Variants in AMOTL1 observed in about 807,000 individuals in gnomAD.
AMOTL1 encodes the protein angiomotin-like protein 1.
Under a neutral mutation model 102.9 loss-of-function variants are expected in AMOTL1, and 45 were observed. The observed-to-expected ratio is 0.44, with a 90% CI of 0.34 to 0.56. The LOEUF (loss-of-function observed/expected upper bound fraction) is 0.56. AMOTL1 is among the 20% of genes least tolerant of loss of function. The probability of loss-of-function intolerance (pLI) is 0.01; values close to 1 mark genes in which losing one functional copy is unlikely to be tolerated. For synonymous variants in AMOTL1, 481 were observed against 484.7 expected, an observed-to-expected ratio of 0.99 and a Z score of 0.10; for missense variants, 1,114 against 1,225.6, an observed-to-expected ratio of 0.91 and a Z score of 1.36.
In AMOTL1 at chr11:94,836,285, C is replaced by T. The variant is rs117114637; in HGVS notation, c.1648+4744C>T. 3.1e-3 allele frequency among the ~76,000 whole-genome samples: 466 copies of T among 152,312 alleles called. 7 individuals are homozygous for T. The East Asian group carries it at 0.049, about 16-fold the overall frequency. On this transcript the variant is annotated intron_variant, in intron 6 of 12. Transcript: ENST00000433060. ...GGAAGGAAGGCTAGATGTTGTCACACGTGAACACACTGATTTACCTCCTCT... is the reference window on the plus strand; with the variant it reads ...GGAAGGAAGGCTAGATGTTGTCACATGTGAACACACTGATTTACCTCCTCT...
chr11:94,797,141 A>C (rs1376922862), intron 2 of AMOTL1: 1 of 434,614 alleles, frequency 2.3e-6, no homozygotes, highest in African/African-American at 2.2e-5. Flanking sequence ...CCGTATGTAC[A>C]CATGAAACAT....
intron 2 of AMOTL1, among the ~76,000 whole-genome samples, chr11:94,731,335 G>T (rs1950347464): frequency 6.6e-6 from 1 of 152,158 alleles, no homozygotes; most frequent in African/African-American, 2.4e-5. Context: ...CTGTCAGTGG[G>T]TGAAGCACAG....
rs751805497 is a variant in AMOTL1, at chr11:94,768,500, C to A, written c.-12C>A. ...TCCCCAGCCGAGGGACTGAACTAGC[C>A]ATGATCGCCTCATGTGGAGGGCAAA... On this transcript the variant is annotated 5_prime_UTR_variant, in exon 1 of 13. Coordinates refer to ENST00000433060, the MANE Select transcript of AMOTL1 (RefSeq NM_130847.3). 6.3e-7 allele frequency: 1 copy of A among 1,597,040 alleles called. No homozygotes were observed. Among genetic ancestry groups the A allele is most frequent in the South Asian group, 1.1e-5 (1 of 87,728 alleles).
intron 1 of AMOTL1, among the ~76,000 whole-genome samples, chr11:94,769,320 G>T (rs1231934138): frequency 1.3e-5 from 2 of 152,220 alleles, no homozygotes; most frequent in African/African-American, 2.4e-5. Flanking sequence ...GATGACAGCC[G>T]AGCGGAACGG....
At chr11:94,765,766 ACTT>A (rs1950848122), upstream of AMOTL1, among the ~76,000 whole-genome samples, 1 of 152,070 alleles carries the variant, frequency 6.6e-6, no homozygotes, top group African/African-American at 2.4e-5. Flanking sequence ...CAGCTCTTCT[ACTT>A]CTCCAGATTC....
rs570406908 is a variant in AMOTL1 at position 94,786,460 on chromosome 11, T to G, written c.50-8551T>G. On this transcript the variant is annotated intron_variant, in intron 1 of 12. Coordinates refer to ENST00000433060, the MANE Select transcript of AMOTL1 (RefSeq NM_130847.3). ...AGCAAGGGCCGCATTTAGGGCACAG[T>G]CCTGTGGGCTCAGGACCTGCCTGTG... 5.1e-3 allele frequency among the ~76,000 whole-genome samples: 772 copies of G among 152,330 alleles called. 4 individuals carry two copies. The highest frequency in any genetic ancestry group is 8.0e-3 in the Non-Finnish European group (541 of 68,020).
intron 10 of AMOTL1, among the ~76,000 whole-genome samples, chr11:94,865,443 C>T (rs537604132): frequency 6.6e-6 from 1 of 152,262 alleles, no homozygotes; most frequent in South Asian, 2.1e-4. Context: ...TAGATAGGCT[C>T]AGTGAGTTAC....
intron 4 of AMOTL1, among the ~76,000 whole-genome samples, chr11:94,824,336 G>A (rs1383365888): frequency 6.6e-6 from 1 of 152,164 alleles, no homozygotes; most frequent in African/African-American, 2.4e-5. Flanking sequence ...ATGAAATGAT[G>A]TTATTTGGGG....
intron 3 of AMOTL1, among the ~76,000 whole-genome samples, chr11:94,745,222 T>C (rs1273406168): frequency 7.2e-6 from 1 of 138,022 alleles, no homozygotes; most frequent in Non-Finnish European, 1.5e-5. Context: ...CATTATGACA[T>C]TATGACATAA....
At chr11:94,791,521 G>A (rs1300989911) in intron 1 of AMOTL1, among the ~76,000 whole-genome samples, 1 of 152,236 alleles carries the variant, frequency 6.6e-6, no homozygotes, top group East Asian at 1.9e-4. Context: ...AAGTCCAGAA[G>A]TGCTTGTATG....
chr11:94,811,721 T>C (rs773100568), intron 3 of AMOTL1, among the ~76,000 whole-genome samples: 56 of 152,276 alleles, frequency 3.7e-4, no homozygotes, highest in African/African-American at 6.3e-4. Context: ...AAAACAGTTA[T>C]GCAAAACAAA....
intron 1 of AMOTL1, among the ~76,000 whole-genome samples, chr11:94,782,546 C>G (rs1219517325): frequency 2.6e-5 from 4 of 152,142 alleles, no homozygotes; most frequent in Non-Finnish European, 5.9e-5. Flanking sequence ...CAACTCCCTT[C>G]AAAGTGAAAG....
chr11:94,731,985 A>C (rs868801398), intron 2 of AMOTL1, among the ~76,000 whole-genome samples: 1 of 152,192 alleles, frequency 6.6e-6, no homozygotes. Context: ...ATCCAAGCTC[A>C]CAGCAGGGCT....
chr11:94,734,063 T>A (rs1248651932), intron 2 of AMOTL1, among the ~76,000 whole-genome samples: 2 of 152,360 alleles, frequency 1.3e-5, no homozygotes, highest in East Asian at 3.9e-4. Flanking sequence ...ACCTTGCTTT[T>A]GTTGATAGCA....
intron 1 of AMOTL1, among the ~76,000 whole-genome samples, chr11:94,722,118 C>T (rs1418771432): frequency 3.3e-5 from 5 of 152,136 alleles, no homozygotes; most frequent in Non-Finnish European, 7.4e-5. Flanking sequence ...TCAGCAAGTC[C>T]TTACAGAGCA....
intron 6 of AMOTL1, 113 bp downstream of exon 6, chr11:94,831,654 A>G: frequency 2.2e-6 from 2 of 892,802 alleles, no homozygotes; most frequent in Non-Finnish European, 3.5e-6. Context: ...TTTGTTTGTT[A>G]ATTTAGCATA....
chr11:94,708,222 C>A (rs1949962389), intron 1 of AMOTL1, among the ~76,000 whole-genome samples: 1 of 152,192 alleles, frequency 6.6e-6, no homozygotes, highest in African/African-American at 2.4e-5. Context: ...TTTTACTAAG[C>A]TTTCTAAGGA....
At chr11:94,843,794 GC>G (rs2135695368) in intron 6 of AMOTL1, among the ~76,000 whole-genome samples, 1 of 152,300 alleles carries the variant, frequency 6.6e-6, no homozygotes, top group East Asian at 1.9e-4. Context: ...CAGAATTGAT[GC>G]CATTGGTGTT....
rs115662529 is a variant in AMOTL1 at position 94,776,152 on chromosome 11, C to T, written c.49+7592C>T. Reference sequence around the variant, plus strand: ...TGAACCAAGCTTTGTCAATGAGAGGCAGGCAGCTGGCGCTTGTTCATCTCT... The same window carrying T: ...TGAACCAAGCTTTGTCAATGAGAGGTAGGCAGCTGGCGCTTGTTCATCTCT... On this transcript the variant is annotated intron_variant, in intron 1 of 12. Transcript: ENST00000433060. 5.7e-3 allele frequency among the ~76,000 whole-genome samples: 863 copies of T among 152,306 alleles called. 9 individuals carry two copies. Among genetic ancestry groups the T allele is most frequent in the African/African-American group, 0.02 (824 of 41,554 alleles).
Sources: allele counts gnomAD v4.1 joint callset (sites outside exome capture counted in the v4.1 genomes callset), GRCh38; gene constraint gnomAD v4.1.1; transcripts MANE v1.5; gene names NCBI Gene and HGNC (gene_info 2026-07-23, HGNC 2026-07-21).